Variants in HTR7 observed in about 807,000 individuals in gnomAD.
HTR7 encodes 5-hydroxytryptamine receptor 7.
In HTR7, 16 loss-of-function variants were observed where a neutral mutation model predicts 34.0. The ratio of observed to expected loss-of-function variants is 0.47; its 90% CI spans 0.32 to 0.71. The LOEUF (loss-of-function observed/expected upper bound fraction) is 0.71. HTR7 is among the 30% of genes least tolerant of loss of function. The probability of loss-of-function intolerance (pLI) is 0.04; values close to 1 mark genes in which losing one functional copy is unlikely to be tolerated. For missense variants in HTR7, 504 were observed against 625.5 expected (o/e 0.81, Z 2.07); for synonymous variants, 265 against 260.2 (o/e 1.02, Z -0.18).
chr10:90,767,611 C>T (rs898978759), intron 1 of HTR7, among the ~76,000 whole-genome samples: 2 of 152,166 alleles, frequency 1.3e-5, no homozygotes, highest in Admixed American at 6.5e-5. Context: ...TTTTTACCAA[C>T]AGAGAGTACA....
intron 1 of HTR7, among the ~76,000 whole-genome samples, chr10:90,797,575 C>T (rs1299167475): frequency 6.6e-6 from 1 of 152,166 alleles, no homozygotes; most frequent in African/African-American, 2.4e-5. Flanking sequence ...AAGGTGTTTA[C>T]AAGACAATAC....
At chr10:90,771,411 G>T (rs1414106142) in intron 1 of HTR7, among the ~76,000 whole-genome samples, 1 of 152,238 alleles carries the variant, frequency 6.6e-6, no homozygotes, top group African/African-American at 2.4e-5. Context: ...TGCTCACCAG[G>T]TTGCAGGCAA....
intron 1 of HTR7, among the ~76,000 whole-genome samples, chr10:90,785,117 T>G (rs1362172307): frequency 2.6e-5 from 4 of 152,228 alleles, no homozygotes; most frequent in African/African-American, 9.6e-5. Flanking sequence ...CTGATTTGTC[T>G]GGATTCCCAG....
chr10:90,782,175 C>T (rs773013537), intron 1 of HTR7, among the ~76,000 whole-genome samples: 30 of 152,162 alleles, frequency 2.0e-4, no homozygotes, highest in Non-Finnish European at 3.8e-4. Context: ...GCACTCAATG[C>T]CCCAGACTCC....
At chr10:90,831,905 T>C (rs1846185215) in intron 1 of HTR7, among the ~76,000 whole-genome samples, 1 of 152,088 alleles carries the variant, frequency 6.6e-6, no homozygotes, top group African/African-American at 2.4e-5. Flanking sequence ...TAGCTAGACA[T>C]AAATGTTCTG....
rs1018721678 is a variant in HTR7, at chr10:90,741,712, G to A, written c.*770C>T. On this transcript the variant is annotated 3_prime_UTR_variant, in exon 4 of 4. Transcript: ENST00000336152. Reference sequence around the variant, plus strand: ...TGCCAATAATCATGTTAATTACAACGCAGTTGGGTACCACTTGAGCTTCAC... The same window carrying A: ...TGCCAATAATCATGTTAATTACAACACAGTTGGGTACCACTTGAGCTTCAC... 1 of 152,580 alleles carries A rather than the reference G, an allele frequency of 6.6e-6. No homozygotes were observed. The highest frequency in any genetic ancestry group is 2.4e-5 in the African/African-American group (1 of 41,432). 9.5% of individuals were successfully genotyped at this position (152,580 alleles called of 1,614,324 possible). A position where few individuals can be genotyped will look rare whatever the true frequency, so the allele number is the denominator to read the frequency against.
chr10:90,747,380 C>T (rs1235081436), intron 2 of HTR7, among the ~76,000 whole-genome samples: 1 of 152,128 alleles, frequency 6.6e-6, no homozygotes, highest in Non-Finnish European at 1.5e-5. Flanking sequence ...TCTGGGTTTG[C>T]TTACAGTACA....
chr10:90,803,349 C>T (rs376670095), intron 1 of HTR7, among the ~76,000 whole-genome samples: 12 of 152,174 alleles, frequency 7.9e-5, no homozygotes, highest in East Asian at 5.8e-4. Flanking sequence ...TATTCACATG[C>T]GCAGTAGCCT....
At chr10:90,770,728 G>A (rs1236806404) in intron 1 of HTR7, among the ~76,000 whole-genome samples, 4 of 152,220 alleles carry the variant, frequency 2.6e-5, no homozygotes. Context: ...GGTGCTGAGG[G>A]CAGCTCGGCA....
At chr10:90,856,155 T>C (rs1489607419) in intron 1 of HTR7, among the ~76,000 whole-genome samples, 1 of 151,874 alleles carries the variant, frequency 6.6e-6, no homozygotes, top group Admixed American at 6.5e-5. Context: ...CAACCATTTC[T>C]CTGTATCATT....
rs556903802 is a variant in HTR7, at chr10:90,843,979, C to T, written c.539+13154G>A. Among the ~76,000 whole-genome samples, 6 of 152,370 alleles carry T rather than the reference C, an allele frequency of 3.9e-5. No individual in the cohort carries two copies. In the East Asian group the frequency reaches 1.2e-3, roughly 29 times the overall value. On this transcript the variant is annotated intron_variant, in intron 1 of 3. Transcript: ENST00000336152. ...CTTTATTGGAACACAGCCACACCCA[C>T]ACATTTGCATATTATCTATGGCTGC...
intron 1 of HTR7, among the ~76,000 whole-genome samples, chr10:90,832,537 C>T (rs951011098): frequency 2.0e-5 from 3 of 152,184 alleles, no homozygotes; most frequent in Non-Finnish European, 4.4e-5. Flanking sequence ...TGCACAGCCC[C>T]GGTTCCCGCT....
At chr10:90,851,558 T>A (rs1285886724) in intron 1 of HTR7, among the ~76,000 whole-genome samples, 4 of 123,202 alleles carry the variant, frequency 3.2e-5, no homozygotes, top group African/African-American at 1.3e-4. Context: ...TGAGCTGAGA[T>A]CACACCACTG....
chr10:90,790,343 A>G (rs1325063530), intron 1 of HTR7, among the ~76,000 whole-genome samples: 1 of 152,198 alleles, frequency 6.6e-6, no homozygotes, highest in East Asian at 1.9e-4. Flanking sequence ...TGCAGTGGAT[A>G]TATTTGAACT....
chr10:90,818,780 C>T (rs1426374778), intron 1 of HTR7, among the ~76,000 whole-genome samples: 2 of 152,082 alleles, frequency 1.3e-5, no homozygotes, highest in Non-Finnish European at 2.9e-5. Context: ...AATCTCAGGT[C>T]AAATTATAAT....
At chr10:90,838,553 T>C (rs141912496) in intron 1 of HTR7, among the ~76,000 whole-genome samples, 357 of 152,314 alleles carry the variant, frequency 2.3e-3, no homozygotes, top group African/African-American at 7.7e-3. Flanking sequence ...AGCCAGACCA[T>C]TTCACCCTAT....
At chr10:90,834,552 T>A (rs1589474633) in intron 1 of HTR7, among the ~76,000 whole-genome samples, 1 of 152,096 alleles carries the variant, frequency 6.6e-6, no homozygotes, top group South Asian at 2.1e-4. Context: ...CTCAGTTGGG[T>A]TTTCTCTGTG....
intron 1 of HTR7, among the ~76,000 whole-genome samples, chr10:90,808,472 C>T (rs569185598): frequency 4.2e-4 from 64 of 152,276 alleles, no homozygotes; most frequent in South Asian, 1.0e-3. Flanking sequence ...TGTATCTCTG[C>T]GCCCCGATCC....
chr10:90,748,985 T>C lies in HTR7; in HGVS notation c.1149A>G (p.Ile383Met). The C allele has an allele frequency of 6.2e-7, 1 of 1,613,996 alleles. No individual in the cohort carries two copies. The highest frequency in any genetic ancestry group is 8.5e-7 in the Non-Finnish European group (1 of 1,179,994). Residue 383 changes from isoleucine (I) to methionine (M), a missense_variant, in exon 2 of 4, where the codon ATA (isoleucine) becomes ATG (methionine). Around this residue, in one of 4 missense-constraint regions of HTR7, gnomAD observed 154 missense variants for 212.1 expected, o/e 0.73. Coordinates refer to ENST00000336152, the MANE Select transcript of HTR7 (RefSeq NM_019859.4). ...TCAGGTCCCGGTTGAAGAAGGCATA[T>C]ATAAAAGGGTTAATGAGAGAGTTTG... is the stretch of plus-strand genomic sequence containing the variant. The part of the protein sequence containing the change: ...GYANSLINPF[I>M]YAFFNRDLRT...
Sources: gnomAD v4.1 joint callset for allele counts (sites outside exome capture counted in the v4.1 genomes callset) on GRCh38, gnomAD v4.1.1 for gene constraint, gnomAD v4.1.1 regional missense constraint, MANE v1.5 for transcripts, NCBI Gene and HGNC (gene_info 2026-07-23, HGNC 2026-07-21) for gene names.